Variants in ALK observed in about 807,000 individuals in gnomAD.
ALK encodes ALK receptor tyrosine kinase, also known as ALK tyrosine kinase receptor.
In ALK, 74 loss-of-function variants were observed where a neutral mutation model predicts 163.1. The ratio of observed to expected loss-of-function variants is 0.45; its 90% CI spans 0.38 to 0.55. The LOEUF (loss-of-function observed/expected upper bound fraction) is 0.55, where lower values mean the gene tolerates loss of function less well. Among genes scored for constraint, ALK ranks in the 20% least tolerant of loss-of-function variants. The pLI is 0.00. For synonymous variants in ALK, 960 were observed against 843.2 expected, an observed-to-expected ratio of 1.14 and a Z score of -2.40; for missense variants, 2,063 against 2,105.3, an observed-to-expected ratio of 0.98 and a Z score of 0.39.
intron 3 of ALK, among the ~76,000 whole-genome samples, chr2:29,556,375 G>A (rs1673861297): frequency 1.3e-5 from 2 of 152,204 alleles, no homozygotes; most frequent in Admixed American, 1.3e-4. Flanking sequence ...GTGGCATTCA[G>A]CAAGGGTTCA....
intron 3 of ALK, among the ~76,000 whole-genome samples, chr2:29,573,761 A>T (rs1305915061): frequency 6.6e-6 from 1 of 152,246 alleles, no homozygotes; most frequent in Non-Finnish European, 1.5e-5. Flanking sequence ...GGAATAGAAC[A>T]ACAAACATGA....
In ALK at chr2:29,193,098, A is replaced by G; in HGVS notation, c.*126T>C. On this transcript the variant is annotated 3_prime_UTR_variant, in exon 29 of 29. Coordinates refer to ENST00000389048, the MANE Select transcript of ALK (RefSeq NM_004304.5). Reference sequence around the variant, plus strand: ...TTCAAAATACAGCTTTTTTGGTGGTACTTCAAAATAGGTTGGCACAAAACA... The same window carrying G: ...TTCAAAATACAGCTTTTTTGGTGGTGCTTCAAAATAGGTTGGCACAAAACA... The G allele has an allele frequency of 9.8e-7, 1 of 1,021,086 alleles. No homozygotes were observed. The allele number at this position is 1,021,086 out of a possible 1,614,324, so 63.3% of individuals were successfully genotyped here.
intron 5 of ALK, among the ~76,000 whole-genome samples, chr2:29,379,403 G>A (rs182123421): frequency 6.6e-6 from 1 of 152,212 alleles, no homozygotes; most frequent in African/African-American, 2.4e-5. Flanking sequence ...ATGTATTCGT[G>A]TGGTGTTTTC....
At chr2:29,239,895 C>A in intron 12 of ALK, 65 bp from the exon 13 acceptor site, 18 of 1,558,810 alleles carry the variant, frequency 1.2e-5, no homozygotes, top group East Asian at 2.3e-5. Flanking sequence ...TCCTGCCAAC[C>A]CAGCAGCTTC....
At chr2:29,805,910 G>A (rs1297153315) in intron 1 of ALK, among the ~76,000 whole-genome samples, 1 of 152,012 alleles carries the variant, frequency 6.6e-6, no homozygotes, top group African/African-American at 2.4e-5. Context: ...TCATATTGCT[G>A]GGCTAGGTAG....
intron 1 of ALK, among the ~76,000 whole-genome samples, chr2:29,831,564 A>G (rs886682451): frequency 1.3e-5 from 2 of 152,146 alleles, no homozygotes; most frequent in Non-Finnish European, 2.9e-5. Context: ...GTTGATCCAC[A>G]TCAGTGTATA....
intron 4 of ALK, among the ~76,000 whole-genome samples, chr2:29,485,201 C>A (rs1048742435): frequency 6.6e-6 from 1 of 152,180 alleles, no homozygotes; most frequent in Non-Finnish European, 1.5e-5. Flanking sequence ...CTCTAAACCA[C>A]TTTTTCAAAT....
chr2:29,633,500 C>A (rs2879506), intron 3 of ALK, among the ~76,000 whole-genome samples: 94,559 of 151,490 alleles, frequency 0.62, 30,491 homozygotes, highest in East Asian at 0.73. Flanking sequence ...AATCTATGCT[C>A]CCAATTCAAA....
At chr2:29,323,192 G>C (rs888955881) in intron 6 of ALK, among the ~76,000 whole-genome samples, 2 of 152,242 alleles carry the variant, frequency 1.3e-5, no homozygotes, top group Admixed American at 6.5e-5. Context: ...AAGTAGGGGA[G>C]AGAGTGTGGA....
At chr2:29,200,983 G>A (rs1381675862) in intron 26 of ALK, among the ~76,000 whole-genome samples, 1 of 151,140 alleles carries the variant, frequency 6.6e-6, no homozygotes, top group South Asian at 2.1e-4. Flanking sequence ...CATTTGAATC[G>A]ATGAAGATAA....
chr2:29,697,780 G>A (rs1002744743), intron 2 of ALK, among the ~76,000 whole-genome samples: 1 of 152,172 alleles, frequency 6.6e-6, no homozygotes, highest in Admixed American at 6.5e-5. Flanking sequence ...CATTTTAACA[G>A]CTGCTTCTGA....
chr2:29,806,240 G>A (rs562839988), intron 1 of ALK, among the ~76,000 whole-genome samples: 465 of 152,300 alleles, frequency 3.1e-3, no homozygotes, highest in Admixed American at 7.6e-3. Context: ...CACACGGTGT[G>A]CGTGTGTGCA....
intron 3 of ALK, among the ~76,000 whole-genome samples, chr2:29,660,049 C>G (rs13413921): frequency 6.6e-6 from 1 of 152,168 alleles, no homozygotes; most frequent in Non-Finnish European, 1.5e-5. Flanking sequence ...AAATAGCCCT[C>G]TAATGTGTAC....
intron 3 of ALK, among the ~76,000 whole-genome samples, chr2:29,690,164 T>C (rs1460672155): frequency 1.3e-5 from 2 of 152,186 alleles, no homozygotes; most frequent in African/African-American, 2.4e-5. Flanking sequence ...ACCCTAGTCA[T>C]GTGTGAAAGC....
intron 28 of ALK, among the ~76,000 whole-genome samples, chr2:29,194,750 T>A (rs370555769): frequency 1.3e-5 from 2 of 148,542 alleles, no homozygotes; most frequent in African/African-American, 2.5e-5. Flanking sequence ...ACTCCTGACC[T>A]CAGGTGAGGC....
At chr2:29,370,730 C>T (rs1668618532) in intron 5 of ALK, among the ~76,000 whole-genome samples, 1 of 152,156 alleles carries the variant, frequency 6.6e-6, no homozygotes, top group Non-Finnish European at 1.5e-5. Context: ...AGAAAGGCAT[C>T]CTAGTGGGGT....
chr2:29,760,593 C>T (rs956982676), intron 1 of ALK, among the ~76,000 whole-genome samples: 13 of 152,192 alleles, frequency 8.5e-5, no homozygotes, highest in African/African-American at 3.1e-4. Flanking sequence ...CATTAAGCCC[C>T]AATCTTTGCT....
chr2:29,525,731 C>A (rs1672940791), intron 4 of ALK, among the ~76,000 whole-genome samples: 1 of 133,464 alleles, frequency 7.5e-6, no homozygotes, highest in African/African-American at 2.8e-5. Flanking sequence ...CGGAGGCTGG[C>A]AGTGAGCTGA....
chr2:29,362,339 T>C (rs888965420), intron 5 of ALK, among the ~76,000 whole-genome samples: 2 of 152,172 alleles, frequency 1.3e-5, no homozygotes, highest in East Asian at 1.9e-4. Context: ...ATCTGGCACA[T>C]AGTATTCAGC....
Sources: allele counts gnomAD v4.1 joint callset (sites outside exome capture counted in the v4.1 genomes callset), GRCh38; gene constraint gnomAD v4.1.1; transcripts MANE v1.5; gene names NCBI Gene and HGNC (gene_info 2026-07-23, HGNC 2026-07-21).